The following G6PC3 variants were observed in gnomAD, a reference collection of about 807,000 sequenced individuals.
G6PC3 encodes glucose-6-phosphatase catalytic subunit 3, also known as glucose-6-phosphatase 3.
A neutral mutation model predicts 38.6 loss-of-function variants in G6PC3; 30 were observed. That is an observed-to-expected ratio of 0.78 (90% confidence interval 0.58 to 1.05). The LOEUF is 1.05. Among genes scored for constraint, G6PC3 ranks in the 50% least tolerant of loss-of-function variants. G6PC3 has a pLI of 0.00. For missense variants in G6PC3, 377 were observed against 443.1 expected, an observed-to-expected ratio of 0.85 and a Z score of 1.34; for synonymous variants, 192 against 178.1, an observed-to-expected ratio of 1.08 and a Z score of -0.62.
At chr17:44,074,895 G>A in intron 3 of G6PC3, 74 bp from the exon 4 acceptor site, 1 of 1,455,036 alleles carries the variant, frequency 6.9e-7, no homozygotes, top group Non-Finnish European at 9.7e-7. Flanking sequence ...GTTCAACCAT[G>A]GAGTACCTGG....
Position 44,070,761 on chromosome 17 carries a change from G to A in G6PC3, c.-205G>A. 3 of 654,246 alleles carry A rather than the reference G, an allele frequency of 4.6e-6. No individual in the cohort carries two copies. The highest frequency in any genetic ancestry group is 8.2e-6 in the Non-Finnish European group (3 of 364,214). 40.5% of individuals were successfully genotyped at this position (654,246 alleles called of 1,614,324 possible). ...GTAGGGAGGAAAACCGGAGGAGAGC[G>A]CAGGAGGAAACAGTACCGGCTGGAG... On this transcript the variant is annotated 5_prime_UTR_variant, in exon 1 of 6. Coordinates refer to ENST00000269097, the MANE Select transcript of G6PC3 (RefSeq NM_138387.4).
Position 44,074,269 on chromosome 17 carries a change from G to A in G6PC3, c.325+3G>A, listed in dbSNP as rs2050034252. The A allele has an allele frequency of 4.4e-6, 7 of 1,600,580 alleles. No individual in the cohort carries two copies. Among genetic ancestry groups the A allele is most frequent in the Non-Finnish European group, 5.1e-6 (6 of 1,167,670 alleles). On this transcript the variant is annotated splice_donor_region_variant and intron_variant, in intron 2 of 5. Coordinates refer to ENST00000269097, the MANE Select transcript of G6PC3 (RefSeq NM_138387.4). Reference sequence around the variant, plus strand: ...CTCTTCTTGTGAGACTGGTCCAGGTGGGAAGCCTCAAACATTCTCCCTTTC... The same window carrying A: ...CTCTTCTTGTGAGACTGGTCCAGGTAGGAAGCCTCAAACATTCTCCCTTTC...
At chr17:44,074,872 C>T in intron 3 of G6PC3, 97 bp from the exon 4 acceptor site, 1 of 1,477,534 alleles carries the variant, frequency 6.8e-7, no homozygotes, top group Non-Finnish European at 9.5e-7. Context: ...TTTTGGGGAC[C>T]CTAGGTTGTG....
intron 2 of G6PC3, among the ~76,000 whole-genome samples, 189 bp from the exon 3 acceptor site, chr17:44,074,491 C>A (rs2050037806): frequency 6.6e-6 from 1 of 152,192 alleles, no homozygotes; most frequent in South Asian, 2.1e-4. Context: ...AGACACAGAT[C>A]AGGACAGAAA....
chr17:44,074,024 G>A (rs991276724), intron 1 of G6PC3, 136 bp from the exon 2 acceptor site: 2 of 771,790 alleles, frequency 2.6e-6, no homozygotes, highest in Non-Finnish European at 4.8e-6. Context: ...GATACCTTGA[G>A]AGCAGTGGAC....
chr17:44,071,197 G>C lies in G6PC3; in HGVS notation c.218+14G>C, dbSNP rs777135332. 1 of 1,610,430 alleles carries C rather than the reference G, an allele frequency of 6.2e-7. No individual in the cohort carries two copies. Among genetic ancestry groups the C allele is most frequent in the East Asian group, 2.2e-5 (1 of 44,842 alleles). ...CATCTTCAAGTGGTGAGACAGAGAA[G>C]CCCTCCGGCATCCTGGTCCCCACCC... On this transcript the variant is annotated intron_variant, in intron 1 of 5. Transcript: ENST00000269097.
chr17:44,074,146 C>A lies in G6PC3; in HGVS notation c.219-14C>A. On this transcript the variant is annotated splice_polypyrimidine_tract_variant and intron_variant, in intron 1 of 5. Coordinates refer to ENST00000269097, the MANE Select transcript of G6PC3 (RefSeq NM_138387.4). ...GTGCATGTGGAAAGTCATCTTGCAT[C>A]TGTTCTCTTCCAGGTTTCTTTTTGG... The A allele has an allele frequency of 6.3e-7, 1 of 1,582,868 alleles. No individual in the cohort carries two copies. Among genetic ancestry groups the A allele is most frequent in the Non-Finnish European group, 8.7e-7 (1 of 1,151,468 alleles).
At position 44,074,230 on chromosome 17, in the gene G6PC3, G is replaced by A. The variant is rs1369042727; in HGVS notation, c.289G>A (p.Val97Ile). Residue 97 changes from valine (V) to isoleucine (I), a missense_variant, in exon 2 of 6, where the codon GTT (valine) becomes ATT (isoleucine). Transcript: ENST00000269097. ...TTACTACAGCCAGGCTCCAGCCCAG[G>A]TTCACCAGTTCCCCTCTTCTTGTGA... is the stretch of plus-strand genomic sequence containing the variant. ...SGYYSQAPAQVHQFPSSCETG... is the reference protein window; with the variant it reads ...SGYYSQAPAQIHQFPSSCETG... 2 of 1,613,776 alleles carry A rather than the reference G, an allele frequency of 1.2e-6. No homozygotes were observed. The highest frequency in any genetic ancestry group is 1.7e-5 in the Admixed American group (1 of 59,980).
At position 44,076,080 on chromosome 17, in the gene G6PC3, A is replaced by G. The variant is rs2050103736; in HGVS notation, c.*37A>G. On this transcript the variant is annotated 3_prime_UTR_variant, in exon 6 of 6. Coordinates refer to ENST00000269097, the MANE Select transcript of G6PC3 (RefSeq NM_138387.4). ...CCTCCCTTTCCTTTCCCTCCCACAA[A>G]GCCAACACTCTGTGACCACCACACT... 1 of 1,608,878 alleles carries G rather than the reference A, an allele frequency of 6.2e-7. No individual in the cohort carries two copies. Among genetic ancestry groups the G allele is most frequent in the South Asian group, 1.1e-5 (1 of 90,944 alleles).
At position 44,071,110 on chromosome 17, in the gene G6PC3, G is replaced by A. The variant is rs1417784733; in HGVS notation, c.145G>A (p.Ala49Thr). ...FLFYFPAAYY[A>T]SRRVGIAVLW... ...GTTCTACTTCCCCGCGGCCTACTACGCCTCCCGCCGTGTGGGCATCGCGGT... is the reference window on the plus strand; with the variant it reads ...GTTCTACTTCCCCGCGGCCTACTACACCTCCCGCCGTGTGGGCATCGCGGT... The change falls in exon 1 of 6, where the codon GCC becomes ACC. Residue 49 changes from alanine (A) to threonine (T), a missense_variant. Transcript: ENST00000269097. 5.0e-6 allele frequency: 8 copies of A among 1,613,884 alleles called. No individual in the cohort carries two copies. The Admixed American group carries it at 1.3e-4, about 27-fold the overall frequency.
At position 44,076,054 on chromosome 17, in the gene G6PC3, G is replaced by T; in HGVS notation, c.*11G>T. 6.2e-7 allele frequency: 1 copy of T among 1,611,976 alleles called. No individual in the cohort carries two copies. On this transcript the variant is annotated 3_prime_UTR_variant, in exon 6 of 6. Coordinates refer to ENST00000269097, the MANE Select transcript of G6PC3 (RefSeq NM_138387.4). ...ATCCACTCTTCCTGACTTCTTGTGTGCCTCCCTTTCCTTTCCCTCCCACAA... is the reference window on the plus strand; with the variant it reads ...ATCCACTCTTCCTGACTTCTTGTGTTCCTCCCTTTCCTTTCCCTCCCACAA...
chr17:44,070,747 A>C lies in G6PC3; in HGVS notation c.-219A>C. 1.6e-6 allele frequency: 1 copy of C among 631,202 alleles called. No individual in the cohort carries two copies. The highest frequency in any genetic ancestry group is 2.8e-5 in the East Asian group (1 of 35,756). 39.1% of individuals were successfully genotyped at this position (631,202 alleles called of 1,614,324 possible). A position where few individuals can be genotyped will look rare whatever the true frequency, so the allele number is the denominator to read the frequency against. On this transcript the variant is annotated 5_prime_UTR_variant, in exon 1 of 6. Coordinates refer to ENST00000269097, the MANE Select transcript of G6PC3 (RefSeq NM_138387.4). ...CCCTGCGCTGCCCAGTAGGGAGGAA[A>C]ACCGGAGGAGAGCGCAGGAGGAAAC...
rs118203970 is a variant in G6PC3 at position 44,071,106 on chromosome 17, C to G, written c.141C>G (p.Tyr47Ter). The part of the protein sequence containing the change: ...ILFLFYFPAA[Y>*]YASRRVGIAV... ...TTCTGTTCTACTTCCCCGCGGCCTA[C>G]TACGCCTCCCGCCGTGTGGGCATCG... The change falls in exon 1 of 6, where the codon TAC becomes TAG. Residue 47 changes from tyrosine to a stop codon, truncating the protein, a stop_gained. Transcript: ENST00000269097. LOFTEE classifies it high-confidence loss of function. The G allele has an allele frequency of 1.9e-6, 3 of 1,614,042 alleles. No homozygotes were observed. The highest frequency in any genetic ancestry group is 2.5e-6 in the Non-Finnish European group (3 of 1,179,986).
At chr17:44,071,346 C>G (rs1483709803) in intron 1 of G6PC3, 163 bp downstream of exon 1, 9 of 1,213,402 alleles carry the variant, frequency 7.4e-6, no homozygotes, top group Non-Finnish European at 1.0e-5. Flanking sequence ...AGCTTGGACT[C>G]AAACCTCAGA....
rs1464004307 is a variant in G6PC3 at position 44,070,887 on chromosome 17, A to T, written c.-79A>T. ...CAGAGGGGTGGGCTTTGGAGATCAG[A>T]GGGTCGACGCTGCTTCGTTGCCTGG... On this transcript the variant is annotated 5_prime_UTR_variant, in exon 1 of 6. Coordinates refer to ENST00000269097, the MANE Select transcript of G6PC3 (RefSeq NM_138387.4). 3.3e-6 allele frequency: 5 copies of T among 1,494,758 alleles called. No individual in the cohort carries two copies. In the African/African-American group the frequency reaches 6.9e-5, roughly 21 times the overall value. The allele number at this position is 1,494,758 out of a possible 1,614,324, so 92.6% of individuals were successfully genotyped here.
At chr17:44,070,713 A>AG (rs1370661232), upstream of G6PC3, 4 of 538,640 alleles carry the variant, frequency 7.4e-6, no homozygotes, top group Non-Finnish European at 1.3e-5. Flanking sequence ...GCCTTTACAA[A>AG]GGTTTGTCCC....
At chr17:44,073,729 G>A (rs1438010029) in intron 1 of G6PC3, 1 of 206,682 alleles carries the variant, frequency 4.8e-6, no homozygotes, top group African/African-American at 2.3e-5. Context: ...CCAAGTAGCT[G>A]AGACTATAGG....
chr17:44,072,190 C>T (rs59919045), intron 1 of G6PC3: 1 of 164,192 alleles, frequency 6.1e-6, no homozygotes, highest in African/African-American at 2.4e-5. Flanking sequence ...CCTAATTGCC[C>T]TTTGCTTTGT....
chr17:44,070,753 A>T lies in G6PC3; in HGVS notation c.-213A>T. 2 of 637,764 alleles carry T rather than the reference A, an allele frequency of 3.1e-6. No homozygotes were observed. Among genetic ancestry groups the T allele is most frequent in the South Asian group, 3.5e-5 (2 of 57,524 alleles). 39.5% of individuals were successfully genotyped at this position (637,764 alleles called of 1,614,324 possible). On this transcript the variant is annotated 5_prime_UTR_variant, in exon 1 of 6. Coordinates refer to ENST00000269097, the MANE Select transcript of G6PC3 (RefSeq NM_138387.4). ...GCTGCCCAGTAGGGAGGAAAACCGG[A>T]GGAGAGCGCAGGAGGAAACAGTACC... is the stretch of plus-strand genomic sequence containing the variant.
Sources: gnomAD v4.1 joint callset for allele counts (sites outside exome capture counted in the v4.1 genomes callset) on GRCh38, gnomAD v4.1.1 for gene constraint, MANE v1.5 for transcripts, NCBI Gene and HGNC (gene_info 2026-07-23, HGNC 2026-07-21) for gene names.